Variants in RFX6 observed in about 807,000 individuals in gnomAD.
RFX6 encodes DNA-binding protein RFX6.
Under a neutral mutation model 110.8 loss-of-function variants are expected in RFX6, and 50 were observed. The observed-to-expected ratio is 0.45, with a 90% CI of 0.36 to 0.57. RFX6 has a LOEUF of 0.57. Among genes scored for constraint, RFX6 ranks in the 20% least tolerant of loss-of-function variants. RFX6 has a pLI of 0.00. For missense variants in RFX6, 990 were observed against 1,127.0 expected, an observed-to-expected ratio of 0.88 and a Z score of 1.74; for synonymous variants, 383 against 411.2, an observed-to-expected ratio of 0.93 and a Z score of 0.83.
chr6:116,914,688 G>C (rs1384982932), intron 7 of RFX6, among the ~76,000 whole-genome samples: 1 of 152,116 alleles, frequency 6.6e-6, no homozygotes, highest in Admixed American at 6.5e-5. Context: ...AAACCACAAA[G>C]ATATGTGTAT....
At chr6:116,917,666 G>A (rs1775497222) in intron 9 of RFX6, among the ~76,000 whole-genome samples, 2 of 152,062 alleles carry the variant, frequency 1.3e-5, no homozygotes, top group South Asian at 4.2e-4. Context: ...CCTCATGGTG[G>A]ACCCAGAGAG....
At chr6:116,896,753 C>T (rs904208570) in intron 6 of RFX6, among the ~76,000 whole-genome samples, 2 of 152,046 alleles carry the variant, frequency 1.3e-5, no homozygotes, top group African/African-American at 4.8e-5. Flanking sequence ...CGTTGGTGTG[C>T]TCAGACATGA....
intron 9 of RFX6, among the ~76,000 whole-genome samples, chr6:116,917,689 C>T (rs979288799): frequency 6.6e-6 from 1 of 152,050 alleles, no homozygotes; most frequent in Non-Finnish European, 1.5e-5. Flanking sequence ...ACAGTGAGCT[C>T]TGTAAGTAGA....
chr6:116,927,149 C>G lies in RFX6; in HGVS notation c.2008C>G (p.Pro670Ala). ...PMAGRPPSVG[P>A]VLSAPSHCST... is the part of the protein sequence containing the mutation. ...GGCAGGGAGGCCCCCAAGTGTGGGC[C>G]CAGTACTGTCAGCTCCATCACACTG... is the stretch of plus-strand genomic sequence containing the variant. The change falls in exon 17 of 19, where the codon CCA becomes GCA. Residue 670 changes from proline (P) to alanine (A), a missense_variant. Coordinates refer to ENST00000332958, the MANE Select transcript of RFX6 (RefSeq NM_173560.4). 6.2e-7 allele frequency: 1 copy of G among 1,614,120 alleles called. No homozygotes were observed.
intron 6 of RFX6, among the ~76,000 whole-genome samples, chr6:116,900,383 TA>T (rs1775040978): frequency 6.6e-6 from 1 of 151,968 alleles, no homozygotes; most frequent in African/African-American, 2.4e-5. Context: ...GCTTCCCGAG[TA>T]GCTGGGATTA....
intron 4 of RFX6, among the ~76,000 whole-genome samples, chr6:116,891,233 G>A (rs1004437659): frequency 3.3e-5 from 5 of 152,154 alleles, no homozygotes; most frequent in Non-Finnish European, 7.4e-5. Flanking sequence ...ACAGTGGTCA[G>A]GGCACAGTAT....
intron 6 of RFX6, among the ~76,000 whole-genome samples, chr6:116,904,573 G>A (rs957936539): frequency 2.0e-5 from 3 of 151,992 alleles, no homozygotes; most frequent in African/African-American, 7.2e-5. Context: ...GTGGTATTAA[G>A]TACATTGGTA....
chr6:116,910,952 A>G lies in RFX6; in HGVS notation c.690A>G (p.Lys230=). ...AATTATAGGGTGGCTTCACTCGTAA[A>G]TATTCGCTTAGCTCAAAAACTGGAA... is the stretch of plus-strand genomic sequence containing the variant. The part of the protein sequence containing the change: ...KLKNEGGFTR[K]YSLSSKTGTL... Residue 230 remains lysine, a synonymous_variant, in exon 7 of 19, where the codon AAA becomes AAG. Transcript: ENST00000332958. 1.2e-6 allele frequency: 2 copies of G among 1,613,408 alleles called. No individual in the cohort carries two copies. The highest frequency in any genetic ancestry group is 1.7e-6 in the Non-Finnish European group (2 of 1,179,426).
At chr6:116,877,665 G>A in intron 1 of RFX6, 131 bp from the exon 2 acceptor site, 2 of 1,081,712 alleles carry the variant, frequency 1.8e-6, no homozygotes, top group Non-Finnish European at 2.7e-6. Context: ...CTGACATTTT[G>A]CATAGCCCCC....
At chr6:116,901,550 A>C (rs971707476) in intron 6 of RFX6, among the ~76,000 whole-genome samples, 2 of 152,344 alleles carry the variant, frequency 1.3e-5, no homozygotes, top group South Asian at 2.1e-4. Context: ...CAATTAATTC[A>C]GGATAAACAA....
intron 10 of RFX6, among the ~76,000 whole-genome samples, 195 bp downstream of exon 10, chr6:116,918,281 C>T (rs1266100521): frequency 3.3e-5 from 5 of 152,024 alleles, no homozygotes; most frequent in Admixed American, 3.3e-4. Context: ...AACAATCCTT[C>T]AATCCCTTTA....
At chr6:116,914,352 A>G (rs1009685022) in intron 7 of RFX6, among the ~76,000 whole-genome samples, 4 of 152,122 alleles carry the variant, frequency 2.6e-5, no homozygotes, top group Admixed American at 6.5e-5. Context: ...TTGATTCCAT[A>G]TGTTGGCTAT....
rs758334651 is a variant in RFX6, at chr6:116,925,467, G to T, written c.1693G>T (p.Ala565Ser). ...ACTCTTTCCAGATGCGAGTAAAGCT[G>T]CTTTCACTGCTTCTCCGAGTTCATG... ...YMKNSDASKA[A>S]FTASPSSCFL... Residue 565 changes from alanine to serine, a missense_variant, in exon 16 of 19, where the codon GCT becomes TCT. Transcript: ENST00000332958. 6.2e-7 allele frequency: 1 copy of T among 1,613,990 alleles called. No individual in the cohort carries two copies.
Position 116,930,376 on chromosome 6 carries a change from C to G in RFX6, c.2612-955C>G, listed in dbSNP as rs1775857138. The stretch of plus-strand genomic sequence containing the variant: ...GCCAGTTAATGAATTTTATTGAGAA[C>G]CGACTAGGAGCCAGACCCCATTCTA... On this transcript the variant is annotated intron_variant, in intron 18 of 18. Transcript: ENST00000332958. Among the ~76,000 whole-genome samples the G allele has an allele frequency of 3.3e-5, 5 of 152,058 alleles. No individual in the cohort carries two copies. In the South Asian group the frequency reaches 8.3e-4, roughly 25 times the overall value.
rs776432370 is a variant in RFX6 at position 116,927,349 on chromosome 6, A to G, written c.2208A>G (p.Ser736=). 4.3e-6 allele frequency: 7 copies of G among 1,613,810 alleles called. No individual in the cohort carries two copies. The highest frequency in any genetic ancestry group is 1.1e-5 in the South Asian group (1 of 91,090). Residue 736 remains serine, a synonymous_variant, in exon 17 of 19, where the codon TCA becomes TCG. Transcript: ENST00000332958. ...TGGCTTGGACTGAACAGCAGCTTTC[A>G]AGAGACTTCTTCAGTGGCAGCTGTG... is the stretch of plus-strand genomic sequence containing the variant. ...RCMAWTEQQL[S]RDFFSGSCAG...
chr6:116,926,294 GCAAA>G (rs962301508), intron 16 of RFX6, among the ~76,000 whole-genome samples: 4 of 152,106 alleles, frequency 2.6e-5, no homozygotes, highest in Non-Finnish European at 4.4e-5. Flanking sequence ...TATCAAAAAA[GCAAA>G]CAAACAAACA....
intron 4 of RFX6, among the ~76,000 whole-genome samples, chr6:116,890,835 G>A (rs1233895864): frequency 2.6e-5 from 4 of 152,192 alleles, no homozygotes; most frequent in African/African-American, 9.6e-5. Context: ...GTAGGTAGAG[G>A]CATTAAATAT....
intron 5 of RFX6, 48 bp from the exon 6 acceptor site, chr6:116,895,132 T>C (rs771544390): frequency 3.0e-6 from 3 of 1,002,454 alleles, no homozygotes; most frequent in Non-Finnish European, 4.8e-6. Flanking sequence ...TTGAATGCTA[T>C]AGCTGTAATT....
Position 116,892,558 on chromosome 6 carries a change from C to T in RFX6, c.567-1429C>T, listed in dbSNP as rs557144385. On this transcript the variant is annotated intron_variant, in intron 4 of 18. Coordinates refer to ENST00000332958, the MANE Select transcript of RFX6 (RefSeq NM_173560.4). ...TAGCTGTTAGTAGGTGATGCAGATG[C>T]AGCTGGATCTTGGATGTGCAGTCCA... 3.3e-5 allele frequency among the ~76,000 whole-genome samples: 5 copies of T among 152,298 alleles called. No homozygotes were observed. In the South Asian group the frequency reaches 8.3e-4, roughly 25 times the overall value.
Sources: gnomAD v4.1 joint callset for allele counts (sites outside exome capture counted in the v4.1 genomes callset) on GRCh38, gnomAD v4.1.1 for gene constraint, MANE v1.5 for transcripts, NCBI Gene and HGNC (gene_info 2026-07-23, HGNC 2026-07-21) for gene names.